The following MDFIC variants were observed in gnomAD, a reference collection of about 807,000 sequenced individuals.
The protein encoded by MDFIC is MyoD family inhibitor domain containing.
A neutral mutation model predicts 23.2 loss-of-function variants in MDFIC; 17 were observed. That is an observed-to-expected ratio of 0.73 (90% CI 0.50 to 1.10). The LOEUF is 1.10. Among genes scored for constraint, MDFIC ranks in the 50% least tolerant of loss-of-function variants. MDFIC has a pLI of 0.00. For synonymous variants in MDFIC, 120 were observed against 115.2 expected (o/e 1.04, Z -0.27); for missense variants, 356 against 316.6 (o/e 1.12, Z -0.95).
chr7:114,925,989 A>G (rs900207719), intron 2 of MDFIC, among the ~76,000 whole-genome samples: 2 of 152,228 alleles, frequency 1.3e-5, no homozygotes, highest in South Asian at 4.1e-4. Flanking sequence ...ACTTGTATAC[A>G]TGTCTTGATA....
At chr7:114,941,968 C>G (rs1792549996) in intron 2 of MDFIC, among the ~76,000 whole-genome samples, 1 of 152,286 alleles carries the variant, frequency 6.6e-6, no homozygotes, top group South Asian at 2.1e-4. Flanking sequence ...TTTCATGCTT[C>G]CTGTAACCTT....
chr7:114,929,250 G>T (rs909737671), intron 2 of MDFIC, among the ~76,000 whole-genome samples: 1 of 152,100 alleles, frequency 6.6e-6, no homozygotes, highest in Non-Finnish European at 1.5e-5. Flanking sequence ...GGGACTACAG[G>T]CGTGTGCCAC....
At chr7:114,931,706 T>A (rs2115707092) in intron 2 of MDFIC, among the ~76,000 whole-genome samples, 1 of 152,246 alleles carries the variant, frequency 6.6e-6, no homozygotes. Flanking sequence ...GCAGGAAAAT[T>A]TAGAGGTTGA....
chr7:114,937,962 A>G (rs1379617531), intron 2 of MDFIC, among the ~76,000 whole-genome samples: 1 of 152,082 alleles, frequency 6.6e-6, no homozygotes, highest in African/African-American at 2.4e-5. Context: ...GATTTCATAT[A>G]TATGTATTTT....
intron 3 of MDFIC, among the ~76,000 whole-genome samples, chr7:114,969,988 A>G (rs1411675291): frequency 6.6e-6 from 1 of 152,222 alleles, no homozygotes. Context: ...GGCAGAACGT[A>G]GGATAGCCAC....
intron 4 of MDFIC, among the ~76,000 whole-genome samples, chr7:115,011,874 T>A (rs1480424839): frequency 6.6e-6 from 1 of 152,252 alleles, no homozygotes; most frequent in African/African-American, 2.4e-5. Context: ...ATTGGTTTCT[T>A]CCGCCTTTCT....
intron 4 of MDFIC, among the ~76,000 whole-genome samples, chr7:115,003,693 C>T (rs1791509920): frequency 6.6e-6 from 1 of 152,212 alleles, no homozygotes; most frequent in Admixed American, 6.5e-5. Flanking sequence ...ATCTCTAAAA[C>T]TGTCTGCTTG....
At chr7:114,940,912 C>A (rs1792524265) in intron 2 of MDFIC, among the ~76,000 whole-genome samples, 1 of 152,138 alleles carries the variant, frequency 6.6e-6, no homozygotes. Context: ...CTCACATTTA[C>A]TCCCTATTCC....
chr7:114,944,277 T>C (rs1234268808), intron 3 of MDFIC, among the ~76,000 whole-genome samples: 1 of 152,174 alleles, frequency 6.6e-6, no homozygotes, highest in Non-Finnish European at 1.5e-5. Context: ...AACTGACAGT[T>C]TGAATGGATT....
At chr7:114,984,064 A>T (rs1793466233) in intron 4 of MDFIC, among the ~76,000 whole-genome samples, 1 of 152,188 alleles carries the variant, frequency 6.6e-6, no homozygotes, top group Non-Finnish European at 1.5e-5. Flanking sequence ...TTCTGGTTCC[A>T]CAATCCATGT....
intron 4 of MDFIC, among the ~76,000 whole-genome samples, chr7:114,987,742 T>C (rs1359465812): frequency 6.6e-6 from 1 of 152,190 alleles, no homozygotes; most frequent in Non-Finnish European, 1.5e-5. Context: ...GTATAAATCA[T>C]TCTGCACATA....
At chr7:114,993,921 G>A (rs547769276) in intron 4 of MDFIC, among the ~76,000 whole-genome samples, 11 of 152,196 alleles carry the variant, frequency 7.2e-5, no homozygotes, top group African/African-American at 2.4e-4. Context: ...TTTCTGTCTC[G>A]TTGATCTGTC....
intron 3 of MDFIC, among the ~76,000 whole-genome samples, chr7:114,959,001 T>C (rs1248078095): frequency 6.6e-6 from 1 of 152,176 alleles, no homozygotes; most frequent in Non-Finnish European, 1.5e-5. Flanking sequence ...TGTTATGACA[T>C]CTACAGTGTT....
intron 3 of MDFIC, among the ~76,000 whole-genome samples, chr7:114,952,024 A>C (rs1213941859): frequency 1.3e-5 from 2 of 152,206 alleles, no homozygotes; most frequent in African/African-American, 2.4e-5. Flanking sequence ...GTAGTTTCGC[A>C]CCCATGATGC....
intron 3 of MDFIC, among the ~76,000 whole-genome samples, chr7:114,954,382 T>C (rs1389594315): frequency 6.6e-6 from 1 of 152,264 alleles, no homozygotes; most frequent in Admixed American, 6.5e-5. Context: ...AATTCCATAA[T>C]CTTATGGCAT....
intron 4 of MDFIC, among the ~76,000 whole-genome samples, chr7:114,982,189 A>G (rs2115974778): frequency 6.6e-6 from 1 of 152,314 alleles, no homozygotes; most frequent in Middle Eastern, 3.4e-3. Flanking sequence ...GATGTGCAGA[A>G]TGGGGCAGGG....
chr7:114,922,365 C>G lies in MDFIC; in HGVS notation c.-379C>G. ...GAAAGAGAGGCAGAGAGGGGGAAGGCCCCCTCGCAGGGGAGCCGGCTGGAG... is the reference window on the plus strand; with the variant it reads ...GAAAGAGAGGCAGAGAGGGGGAAGGGCCCCTCGCAGGGGAGCCGGCTGGAG... On this transcript the variant is annotated 5_prime_UTR_variant, in exon 1 of 5. Coordinates refer to ENST00000393486, the MANE Select transcript of MDFIC (RefSeq NM_001166345.3). 5 of 1,218,040 alleles carry G rather than the reference C, an allele frequency of 4.1e-6. No individual in the cohort carries two copies. The highest frequency in any genetic ancestry group is 3.1e-6 in the Non-Finnish European group (3 of 974,224). 75.5% of individuals were successfully genotyped at this position (1,218,040 alleles called of 1,614,324 possible).
intron 4 of MDFIC, among the ~76,000 whole-genome samples, chr7:114,986,337 T>C (rs1793513582): frequency 6.6e-6 from 1 of 152,116 alleles, no homozygotes; most frequent in Admixed American, 6.5e-5. Flanking sequence ...AGAGGGATAA[T>C]GCATACTCCC....
intron 3 of MDFIC, among the ~76,000 whole-genome samples, chr7:114,943,506 T>C (rs890906236): frequency 2.0e-5 from 3 of 152,184 alleles, no homozygotes; most frequent in Non-Finnish European, 2.9e-5. Context: ...TTTTGGTTTT[T>C]ATACACTTTG....
Sources: allele counts gnomAD v4.1 joint callset (sites outside exome capture counted in the v4.1 genomes callset), GRCh38; gene constraint gnomAD v4.1.1; transcripts MANE v1.5; gene names NCBI Gene and HGNC (gene_info 2026-07-23, HGNC 2026-07-21).